The following ARL10 variants were observed in gnomAD, a reference collection of about 807,000 sequenced individuals.
The protein encoded by ARL10 is ARF like GTPase 10.
ARL10 carries 23 observed loss-of-function variants against 26.1 expected under a neutral mutation model. That is an observed-to-expected ratio of 0.88 (90% CI 0.63 to 1.25). ARL10 has a LOEUF of 1.25. Among genes scored for constraint, ARL10 ranks in the 50% most tolerant of loss-of-function variants. The probability of loss-of-function intolerance (pLI) is 0.00; values close to 1 mark genes in which losing one functional copy is unlikely to be tolerated. For synonymous variants in ARL10, 138 were observed against 149.1 expected (o/e 0.93, Z 0.54); for missense variants, 300 against 323.6 (o/e 0.93, Z 0.56).
downstream of ARL10, among the ~76,000 whole-genome samples, chr5:176,389,139 G>A (rs1461684921): frequency 5.3e-5 from 8 of 151,834 alleles, no homozygotes; most frequent in Non-Finnish European, 2.9e-5. Flanking sequence ...GGAGCAGCGG[G>A]TTTAGGGGGC....
the ARL10 span, among the ~76,000 whole-genome samples, chr5:176,409,052 C>G: frequency 6.6e-6 from 1 of 152,180 alleles, no homozygotes; most frequent in Admixed American, 6.5e-5. Context: ...TCTCGGCTCA[C>G]CGCAACCTCC....
chr5:176,397,449 C>T (rs1388064725), intron 1 of ARL10, among the ~76,000 whole-genome samples: 2 of 144,360 alleles, frequency 1.4e-5, no homozygotes, highest in Admixed American at 1.4e-4. Context: ...CCCCACAGCC[C>T]GTCTCATGTC....
At chr5:176,401,203 G>A (rs182974350) in intron 1 of ARL10, among the ~76,000 whole-genome samples, 8 of 152,344 alleles carry the variant, frequency 5.3e-5, no homozygotes, top group South Asian at 2.1e-4. Context: ...TCCCAGCACC[G>A]CTGCCCAAAC....
the ARL10 span, among the ~76,000 whole-genome samples, chr5:176,409,626 G>T: frequency 6.6e-6 from 1 of 151,890 alleles, no homozygotes; most frequent in Non-Finnish European, 1.5e-5. Context: ...TGTTGGCCAG[G>T]CTGGTCTTGA....
At chr5:176,389,757 T>C, downstream of ARL10, 2 of 384,172 alleles carry the variant, frequency 5.2e-6, no homozygotes, top group Non-Finnish European at 9.4e-6. Context: ...TCCACTTGTA[T>C]TTAATTCAGT....
rs898057292 is a variant in ARL10, at chr5:176,397,786, C to CA, written c.134-3955_134-3954insA. The stretch of plus-strand genomic sequence containing the variant: ...ATGCACAGGCCCGGCCGCGCTCCTC[C>CA]CCTGGCCCCTGCCAGGCAGCCACAG... On this transcript the variant is annotated intron_variant, in intron 1 of 1. Transcript: ENST00000514533. 1,348 of 1,533,862 alleles carry CA rather than the reference C, an allele frequency of 8.8e-4. 1 individual carries two copies. Among genetic ancestry groups the CA allele is most frequent in the Non-Finnish European group, 1.1e-3 (1,246 of 1,107,662 alleles).
the ARL10 span, among the ~76,000 whole-genome samples, chr5:176,411,990 C>A: frequency 2.0e-5 from 3 of 151,954 alleles, no homozygotes; most frequent in Non-Finnish European, 4.4e-5. Context: ...TCCTGGCTAA[C>A]ACGGTGAAAC....
chr5:176,392,954 G>A (rs1361849565), downstream of ARL10: 2 of 1,613,922 alleles, frequency 1.2e-6, no homozygotes, highest in African/African-American at 1.3e-5. The surrounding 1 kb of genome is among the most constrained non-coding windows in gnomAD (Gnocchi z 5.2). Flanking sequence ...CCCTGCGGGT[G>A]GAGATAGGAC....
intron 1 of ARL10, among the ~76,000 whole-genome samples, chr5:176,395,960 C>T (rs2113628325): frequency 6.6e-6 from 1 of 152,224 alleles, no homozygotes; most frequent in South Asian, 2.1e-4. Context: ...CATGGTGAAA[C>T]CCCGTCTCTA....
chr5:176,410,405 T>C, the ARL10 span: 1 of 861,480 alleles, frequency 1.2e-6, no homozygotes, highest in Non-Finnish European at 1.9e-6. Context: ...TGTATACCCA[T>C]GTATATATCG....
At chr5:176,388,898 A>G, downstream of ARL10, 1 of 1,614,046 alleles carries the variant, frequency 6.2e-7, no homozygotes, top group African/African-American at 1.3e-5. Flanking sequence ...GCTGAGCCCC[A>G]CTGTTTACAG....
Position 176,374,912 on chromosome 5 carries a change from C to G in ARL10, c.*3017C>G, listed in dbSNP as rs1235108012. Reference sequence around the variant, plus strand: ...TGTTTGGTGGCAGTATCTACAGAAGCGGCAGCCACCACCGCCTTTTGAAGC... The same window carrying G: ...TGTTTGGTGGCAGTATCTACAGAAGGGGCAGCCACCACCGCCTTTTGAAGC... On this transcript the variant is annotated 3_prime_UTR_variant, in exon 4 of 4. Transcript: ENST00000310389. 6.6e-6 allele frequency: 1 copy of G among 152,182 alleles called. No homozygotes were observed. Among genetic ancestry groups the G allele is most frequent in the African/African-American group, 2.4e-5 (1 of 41,436 alleles). The allele number at this position is 152,182 out of a possible 1,614,324, so 9.4% of individuals were successfully genotyped here. A position where few individuals can be genotyped will look rare whatever the true frequency, so the allele number is the denominator to read the frequency against.
At chr5:176,383,639 G>C (rs1330321787), downstream of ARL10, among the ~76,000 whole-genome samples, 1 of 152,274 alleles carries the variant, frequency 6.6e-6, no homozygotes, top group Admixed American at 6.5e-5. Context: ...TGCCAGTCAA[G>C]CCACAGCTGG....
the ARL10 span, among the ~76,000 whole-genome samples, chr5:176,409,295 A>G: frequency 1.5e-5 from 1 of 66,860 alleles, no homozygotes; most frequent in Non-Finnish European, 2.8e-5. Flanking sequence ...TTAAAATTGA[A>G]AAAAAAAAAA....
At chr5:176,400,558 C>G (rs1216263199) in intron 1 of ARL10, among the ~76,000 whole-genome samples, 4 of 152,194 alleles carry the variant, frequency 2.6e-5, no homozygotes, top group Non-Finnish European at 5.9e-5. Context: ...ACCCTCTGGT[C>G]TGGCAAAGCC....
rs1048331670 is a variant in ARL10, at chr5:176,368,501, C to G, written c.386-306C>G. On this transcript the variant is annotated intron_variant, in intron 2 of 3. Transcript: ENST00000310389. This position sits in a 1 kb window ranked among gnomAD's most constrained non-coding sequence, Gnocchi z 4.1. ...ACCTGTGGGTTTTACTGCAACAACC[C>G]GTTAGGAAAGTTCAGTGAGGAGACT... is the stretch of plus-strand genomic sequence containing the variant. 6.6e-6 allele frequency among the ~76,000 whole-genome samples: 1 copy of G among 152,064 alleles called. No individual in the cohort carries two copies. The highest frequency in any genetic ancestry group is 1.5e-5 in the Non-Finnish European group (1 of 68,020).
Position 176,375,183 on chromosome 5 carries a change from T to TCCACCCACCCAC in ARL10, c.*3295_*3296insCCCACCCACCCA. 1 of 70,510 alleles carries TCCACCCACCCAC rather than the reference T, an allele frequency of 1.4e-5. No individual in the cohort carries two copies. The allele number at this position is 70,510 out of a possible 1,614,324, so 4.4% of individuals were successfully genotyped here. On this transcript the variant is annotated 3_prime_UTR_variant, in exon 4 of 4. Transcript: ENST00000310389. ...ATCCATCCACCCACCCACCCACCCA[T>TCCACCCACCCAC]CCACCCATCCATCCATCCATCCACT...
downstream of ARL10, among the ~76,000 whole-genome samples, chr5:176,402,229 T>G (rs1756859244): frequency 6.6e-6 from 1 of 152,028 alleles, no homozygotes; most frequent in Non-Finnish European, 1.5e-5. Context: ...ACCCGGGAGA[T>G]GGAGGTTGCA....
the ARL10 span, chr5:176,410,183 A>G: frequency 1.8e-5 from 23 of 1,292,460 alleles, no homozygotes; most frequent in East Asian, 6.9e-5. Context: ...CTGTAAGCCT[A>G]CAACAATGAG....
Sources: gnomAD v4.1 joint callset for allele counts (sites outside exome capture counted in the v4.1 genomes callset) on GRCh38, gnomAD v4.1.1 for gene constraint, Gnocchi (gnomAD v3.1) non-coding constraint, MANE v1.5 for transcripts, NCBI Gene and HGNC (gene_info 2026-07-23, HGNC 2026-07-21) for gene names.